UTP20: variants seen among roughly 807,000 people sequenced by gnomAD.
The protein encoded by UTP20 is UTP20 small subunit processome component, also known as small subunit processome component 20 homolog.
In UTP20, 164 loss-of-function variants were observed where a neutral mutation model predicts 329.5. The observed-to-expected ratio is 0.50, with a 90% CI of 0.44 to 0.57. UTP20 has a LOEUF of 0.57. Among genes scored for constraint, UTP20 ranks in the 20% least tolerant of loss-of-function variants. The pLI is 0.00. For missense variants in UTP20, 3,055 were observed against 3,284.2 expected (o/e 0.93, Z 1.71); for synonymous variants, 1,151 against 1,159.3 (o/e 0.99, Z 0.14).
intron 20 of UTP20, 95 bp downstream of exon 20, chr12:101,311,893 G>A (rs1872804840): frequency 1.3e-6 from 2 of 1,553,796 alleles, no homozygotes; most frequent in Middle Eastern, 1.7e-4. Context: ...GGAAAACAGA[G>A]ATGAAACATA....
intron 6 of UTP20, among the ~76,000 whole-genome samples, chr12:101,289,627 A>G (rs1184345053): frequency 2.6e-5 from 4 of 152,062 alleles, no homozygotes; most frequent in Non-Finnish European, 5.9e-5. Context: ...GATAGCTTTC[A>G]GTGTGTATAT....
intron 19 of UTP20, 81 bp downstream of exon 19, chr12:101,309,920 G>T: frequency 2.3e-6 from 3 of 1,324,032 alleles, no homozygotes; most frequent in Non-Finnish European, 3.2e-6. Context: ...CTCCTTCTGG[G>T]TGTGATTTAA....
At position 101,299,748 on chromosome 12, in the gene UTP20, T is replaced by C. The variant is rs771200065; in HGVS notation, c.1497T>C (p.His499=). 1.6e-5 allele frequency: 26 copies of C among 1,613,260 alleles called. No homozygotes were observed. Among genetic ancestry groups the C allele is most frequent in the Middle Eastern group, 3.3e-4 (2 of 6,076 alleles). ...ACGAACAGTTTCCAGTATTGGACCA[T>C]CTTTTATCTATAATTAAGTTACCCC... ...GRNEQFPVLD[H]LLSIIKLPPN... is the part of the protein sequence containing the mutation. Residue 499 remains histidine (H), a synonymous_variant, in exon 13 of 62, where the codon CAT becomes CAC. Coordinates refer to ENST00000261637, the MANE Select transcript of UTP20 (RefSeq NM_014503.3).
intron 27 of UTP20, among the ~76,000 whole-genome samples, chr12:101,332,495 C>T (rs1868792996): frequency 6.6e-6 from 1 of 152,124 alleles, no homozygotes; most frequent in Admixed American, 6.5e-5. Context: ...ATAAATTGTC[C>T]TACTCTGAGC....
At chr12:101,280,566 A>G (rs188287058) in intron 1 of UTP20, among the ~76,000 whole-genome samples, 31 of 152,342 alleles carry the variant, frequency 2.0e-4, no homozygotes, top group Non-Finnish European at 3.2e-4. Flanking sequence ...AATTTCCTGT[A>G]GTCCAGAATT....
At chr12:101,302,159 GCCTCAAGTGGT>G (rs1361860683) in intron 14 of UTP20, among the ~76,000 whole-genome samples, 2 of 152,060 alleles carry the variant, frequency 1.3e-5, no homozygotes, top group Admixed American at 1.3e-4. Context: ...TGAACTCCTG[GCCTCAAGTGGT>G]CCTCCCACCT....
intron 5 of UTP20, among the ~76,000 whole-genome samples, chr12:101,288,450 C>T (rs1211230126): frequency 1.3e-5 from 2 of 152,176 alleles, no homozygotes; most frequent in Non-Finnish European, 2.9e-5. Flanking sequence ...TAATAGTACC[C>T]ATCCCATAGA....
chr12:101,363,506 TCAGTGAC>T, intron 44 of UTP20, 63 bp from the exon 45 acceptor site: 1 of 1,431,938 alleles, frequency 7.0e-7, no homozygotes, highest in Non-Finnish European at 9.4e-7. Flanking sequence ...GGGCCTTTTT[TCAGTGAC>T]TGCTTATGTT....
chr12:101,322,601 G>A (rs538657604), intron 25 of UTP20, among the ~76,000 whole-genome samples: 3 of 152,240 alleles, frequency 2.0e-5, no homozygotes, highest in Admixed American at 6.5e-5. Context: ...TTTGCTTTTG[G>A]TCCAGCCCCC....
chr12:101,300,346 A>C lies in UTP20; in HGVS notation c.1675+285A>C, dbSNP rs140839842. On this transcript the variant is annotated intron_variant, in intron 14 of 61. Transcript: ENST00000261637. Reference sequence around the variant, plus strand: ...AGCCCCATACCAGGTCCTCTTTTTCATCTCCCACGTACATCTGACTCCTAG... The same window carrying C: ...AGCCCCATACCAGGTCCTCTTTTTCCTCTCCCACGTACATCTGACTCCTAG... Among the ~76,000 whole-genome samples the C allele has an allele frequency of 3.1e-3, 474 of 152,278 alleles. 2 individuals carry two copies. Among genetic ancestry groups the C allele is most frequent in the African/African-American group, 0.01 (428 of 41,550 alleles).
intron 43 of UTP20, among the ~76,000 whole-genome samples, chr12:101,357,973 C>T (rs1466400800): frequency 6.6e-6 from 1 of 152,172 alleles, no homozygotes; most frequent in Non-Finnish European, 1.5e-5. Context: ...AACGCTGCAG[C>T]TTCTTTTCAA....
intron 11 of UTP20, 133 bp downstream of exon 11, chr12:101,293,378 T>C (rs1258625150): frequency 8.0e-6 from 6 of 749,304 alleles, no homozygotes; most frequent in Non-Finnish European, 1.3e-5. Context: ...TTAGTCAATA[T>C]GTTTTTTAAA....
intron 57 of UTP20, among the ~76,000 whole-genome samples, chr12:101,380,684 G>T (rs1207163450): frequency 6.6e-6 from 1 of 151,828 alleles, no homozygotes; most frequent in Non-Finnish European, 1.5e-5. Context: ...CCAACATGGC[G>T]AAACCCCATC....
intron 38 of UTP20, among the ~76,000 whole-genome samples, chr12:101,347,241 G>A (rs1869354980): frequency 6.6e-6 from 1 of 152,118 alleles, no homozygotes; most frequent in Non-Finnish European, 1.5e-5. Context: ...AGATTAATGA[G>A]GTCAAGTGCA....
chr12:101,331,690 T>A (rs1006079053), intron 27 of UTP20, among the ~76,000 whole-genome samples: 9 of 152,184 alleles, frequency 5.9e-5, no homozygotes, highest in Admixed American at 5.2e-4. Context: ...GTTTTCTTCA[T>A]GTTATCTTGG....
chr12:101,342,061 C>T (rs556027727), intron 32 of UTP20, among the ~76,000 whole-genome samples: 1 of 152,050 alleles, frequency 6.6e-6, no homozygotes, highest in Non-Finnish European at 1.5e-5. Flanking sequence ...AAATACCATG[C>T]CTTTTTATAT....
chr12:101,331,635 G>T (rs1868764960), intron 27 of UTP20, among the ~76,000 whole-genome samples: 1 of 152,094 alleles, frequency 6.6e-6, no homozygotes, highest in East Asian at 1.9e-4. Context: ...AAATACCTCT[G>T]TCTGTCAGAT....
chr12:101,339,483 A>G (rs978941029), intron 31 of UTP20, among the ~76,000 whole-genome samples: 2 of 152,222 alleles, frequency 1.3e-5, no homozygotes, highest in Non-Finnish European at 1.5e-5. Context: ...GAAACCGTTC[A>G]TAGCATCTGC....
chr12:101,335,573 GTCT>G (rs1248994082), intron 29 of UTP20, among the ~76,000 whole-genome samples: 2 of 152,146 alleles, frequency 1.3e-5, no homozygotes, highest in Admixed American at 6.5e-5. Flanking sequence ...CTAGACCATT[GTCT>G]TCTTTGTGAA....
Sources: gnomAD v4.1 joint callset for allele counts (sites outside exome capture counted in the v4.1 genomes callset) on GRCh38, gnomAD v4.1.1 for gene constraint, MANE v1.5 for transcripts, NCBI Gene and HGNC (gene_info 2026-07-23, HGNC 2026-07-21) for gene names.